SLC2A12: variants seen among roughly 807,000 people sequenced by gnomAD.
The protein encoded by SLC2A12 is solute carrier family 2, facilitated glucose transporter member 12.
In SLC2A12, 23 loss-of-function variants were observed where a neutral mutation model predicts 41.8. The ratio of observed to expected loss-of-function variants is 0.55; its 90% CI spans 0.40 to 0.78. The LOEUF (loss-of-function observed/expected upper bound fraction) is 0.78, where lower values mean the gene tolerates loss of function less well. Ranked by LOEUF, SLC2A12 falls within the 30% of genes least tolerant of loss-of-function variation. SLC2A12 has a pLI of 0.00. For synonymous variants in SLC2A12, 295 were observed against 285.9 expected (o/e 1.03, Z -0.32); for missense variants, 654 against 745.6 (o/e 0.88, Z 1.43).
In SLC2A12 at chr6:134,028,746, G is replaced by T. The variant is rs1026147026; in HGVS notation, c.1079C>A (p.Thr360Asn). 6.2e-7 allele frequency: 1 copy of T among 1,614,162 alleles called. No individual in the cohort carries two copies. ...GATGTTGAGATTTACGATGCCCATG[G>T]TCACCAACGAAGCTGCCATCACAGA... ...GSSVMAASLVTMGIVNLNIHM... is the reference protein window; with the variant it reads ...GSSVMAASLVNMGIVNLNIHM... Residue 360 changes from threonine (T) to asparagine (N), a missense_variant, in exon 2 of 5, where the codon ACC (threonine) becomes AAC (asparagine). By Grantham distance (65) the Thr-to-Asn change is moderately conservative. Coordinates refer to ENST00000275230, the MANE Select transcript of SLC2A12 (RefSeq NM_145176.3).
intron 2 of SLC2A12, among the ~76,000 whole-genome samples, chr6:134,017,822 C>T (rs898559768): frequency 1.3e-5 from 2 of 151,590 alleles, no homozygotes; most frequent in African/African-American, 2.4e-5. Context: ...CCACTGCACT[C>T]CATCCAGCCT....
chr6:133,997,068 C>T (rs573294334), intron 4 of SLC2A12, among the ~76,000 whole-genome samples: 245 of 133,326 alleles, frequency 1.8e-3, no homozygotes, highest in Middle Eastern at 4.2e-3. Context: ...GGTGAAACCC[C>T]GTCTCTACTA....
At chr6:134,035,052 G>C (rs1226650669) in intron 1 of SLC2A12, among the ~76,000 whole-genome samples, 1 of 150,744 alleles carries the variant, frequency 6.6e-6, no homozygotes, top group Non-Finnish European at 1.5e-5. Context: ...TCTTCCTGCT[G>C]TTGGGGCTCG....
rs1227180602 is a variant in SLC2A12 at position 133,989,336 on chromosome 6, A to T, written c.*1819T>A. On this transcript the variant is annotated 3_prime_UTR_variant, in exon 5 of 5. Transcript: ENST00000275230. ...TGAAGACAAAATTGTTTAGTTACAGACTCAGGATAATAAAAGAAAAATATA... is the reference window on the plus strand; with the variant it reads ...TGAAGACAAAATTGTTTAGTTACAGTCTCAGGATAATAAAAGAAAAATATA... 6.6e-6 allele frequency: 1 copy of T among 152,124 alleles called. No homozygotes were observed. Among genetic ancestry groups the T allele is most frequent in the African/African-American group, 2.4e-5 (1 of 41,416 alleles). The allele number at this position is 152,124 out of a possible 1,614,324, so 9.4% of individuals were successfully genotyped here. A position where few individuals can be genotyped will look rare whatever the true frequency, so the allele number is the denominator to read the frequency against.
intron 2 of SLC2A12, among the ~76,000 whole-genome samples, chr6:134,021,602 A>T (rs559695622): frequency 4.6e-5 from 7 of 152,294 alleles, no homozygotes; most frequent in African/African-American, 1.7e-4. Context: ...ACTCTAGGAG[A>T]TAGGACAGAT....
At chr6:134,034,884 C>T (rs1473954053) in intron 1 of SLC2A12, among the ~76,000 whole-genome samples, 4 of 152,154 alleles carry the variant, frequency 2.6e-5, no homozygotes, top group African/African-American at 7.2e-5. Flanking sequence ...TCATTTTGCT[C>T]ATGGCTTTGC....
At chr6:134,004,975 C>A (rs1305504618) in intron 3 of SLC2A12, among the ~76,000 whole-genome samples, 1 of 152,170 alleles carries the variant, frequency 6.6e-6, no homozygotes, top group Non-Finnish European at 1.5e-5. Context: ...CAAAAAATGA[C>A]ATGTAAATCT....
At chr6:134,022,533 A>AAAAAGAAAAGAAG (rs1683007201) in intron 2 of SLC2A12, among the ~76,000 whole-genome samples, 1 of 142,232 alleles carries the variant, frequency 7.0e-6, no homozygotes, top group Admixed American at 7.2e-5. Flanking sequence ...CTCCATCTCA[A>AAAAAGAAAAGAAG]AAAAGAAAAG....
At chr6:133,995,100 G>A (rs111254400) in intron 4 of SLC2A12, among the ~76,000 whole-genome samples, 36 of 152,350 alleles carry the variant, frequency 2.4e-4, no homozygotes, top group African/African-American at 8.4e-4. Flanking sequence ...AGAAGCACAA[G>A]TGATGACAGC....
intron 1 of SLC2A12, among the ~76,000 whole-genome samples, chr6:134,051,447 G>C (rs1448389497): frequency 2.6e-5 from 4 of 152,196 alleles, no homozygotes; most frequent in African/African-American, 7.2e-5. Context: ...GATTTTGCAT[G>C]AAATTTCTAT....
chr6:133,994,733 A>G (rs1421823660), intron 4 of SLC2A12, among the ~76,000 whole-genome samples: 1 of 152,168 alleles, frequency 6.6e-6, no homozygotes, highest in African/African-American at 2.4e-5. Context: ...CAAACAAACA[A>G]AAAAGAAACT....
At chr6:134,004,022 G>A in intron 3 of SLC2A12, among the ~76,000 whole-genome samples, 1 of 152,306 alleles carries the variant, frequency 6.6e-6, no homozygotes, top group South Asian at 2.1e-4. Flanking sequence ...AGGTTTTAGA[G>A]CATTCTAGGC....
intron 4 of SLC2A12, among the ~76,000 whole-genome samples, chr6:133,995,710 A>T (rs1465319385): frequency 6.6e-6 from 1 of 152,192 alleles, no homozygotes; most frequent in Non-Finnish European, 1.5e-5. Context: ...CACACTTTAA[A>T]GTGTAAATCA....
At position 134,052,176 on chromosome 6, in the gene SLC2A12, A is replaced by G. The variant is rs560193884; in HGVS notation, c.103+202T>C. On this transcript the variant is annotated intron_variant, in intron 1 of 4. Transcript: ENST00000275230. ...CGATCTTCACAACATTACAGCTCCG[A>G]GCTGTCCCACGTCCCACCAGACCCT... Among the ~76,000 whole-genome samples the G allele has an allele frequency of 3.3e-5, 5 of 150,774 alleles. No individual in the cohort carries two copies. The East Asian group carries it at 7.8e-4, about 24-fold the overall frequency.
intron 1 of SLC2A12, among the ~76,000 whole-genome samples, chr6:134,037,458 G>A (rs1028457722): frequency 1.3e-5 from 2 of 151,880 alleles, no homozygotes; most frequent in Admixed American, 1.3e-4. Context: ...AGGTTCAAGC[G>A]ATTCTCCTGC....
intron 1 of SLC2A12, among the ~76,000 whole-genome samples, chr6:134,041,704 A>T (rs1177444442): frequency 2.0e-5 from 3 of 152,176 alleles, no homozygotes; most frequent in Non-Finnish European, 4.4e-5. Context: ...TTTACGGCCC[A>T]ATCTTATACA....
At chr6:134,025,528 C>T (rs991297451) in intron 2 of SLC2A12, among the ~76,000 whole-genome samples, 10 of 152,116 alleles carry the variant, frequency 6.6e-5, no homozygotes, top group African/African-American at 1.9e-4. Context: ...TGAAAGACAA[C>T]CAGCCGACAG....
chr6:134,025,267 G>A (rs1049946956), intron 2 of SLC2A12, among the ~76,000 whole-genome samples: 6 of 152,170 alleles, frequency 3.9e-5, no homozygotes, highest in African/African-American at 1.4e-4. Context: ...TGAGATTAAT[G>A]TTGAATTTCA....
Position 133,991,184 on chromosome 6 carries a change from G to A in SLC2A12, c.1825C>T (p.Gln609Ter). The change falls in exon 5 of 5, where the codon CAA (glutamine) becomes TAA (stop). Residue 609 changes from glutamine to a stop codon, truncating the protein, a stop_gained. Coordinates refer to ENST00000275230, the MANE Select transcript of SLC2A12 (RefSeq NM_145176.3). LOFTEE classifies it high-confidence loss of function. Reference protein sequence around the residue: ...LECNKLCGRGQSRQLSPET With the variant: ...LECNKLCGRG Reference sequence around the variant, plus strand: ...GTCTCTGGAGAAAGCTGCCTGGATTGGCCCCTACCACACAGCTTGTTACAC... The same window carrying A: ...GTCTCTGGAGAAAGCTGCCTGGATTAGCCCCTACCACACAGCTTGTTACAC... 6.2e-7 allele frequency: 1 copy of A among 1,613,776 alleles called. No homozygotes were observed. The highest frequency in any genetic ancestry group is 8.5e-7 in the Non-Finnish European group (1 of 1,179,910).
Sources: gnomAD v4.1 joint callset for allele counts (sites outside exome capture counted in the v4.1 genomes callset) on GRCh38, gnomAD v4.1.1 for gene constraint, MANE v1.5 for transcripts, NCBI Gene and HGNC (gene_info 2026-07-23, HGNC 2026-07-21) for gene names.